Variants in KLF8 observed in about 807,000 individuals in gnomAD.
KLF8 encodes the protein Krueppel-like factor 8.
KLF8 carries 10 observed loss-of-function variants against 18.2 expected under a neutral mutation model. That is an observed-to-expected ratio of 0.55 (90% CI 0.34 to 0.93). KLF8 has a LOEUF of 0.93. Among genes scored for constraint, KLF8 ranks in the 40% least tolerant of loss-of-function variants. The pLI is 0.02. For missense variants in KLF8, 264 were observed against 277.9 expected (o/e 0.95, Z 0.36); for synonymous variants, 109 against 97.3 (o/e 1.12, Z -0.71).
the KLF8 span, among the ~76,000 whole-genome samples, chrX:56,164,228 A>G: frequency 2.0e-5 from 2 of 99,563 alleles, no homozygotes; most frequent in Non-Finnish European, 4.0e-5. Flanking sequence ...AGCACTTAAC[A>G]TAAGACAAGT....
chrX:56,162,762 C>G, the KLF8 span, among the ~76,000 whole-genome samples: 1 of 111,199 alleles, frequency 9.0e-6, no homozygotes, highest in Non-Finnish European at 1.9e-5. Context: ...GCTCCGTATG[C>G]TGCATCCACT....
chrX:56,200,688 G>T, the KLF8 span, among the ~76,000 whole-genome samples: 1 of 110,746 alleles, frequency 9.0e-6, no homozygotes, highest in South Asian at 3.7e-4. Flanking sequence ...TATGGAATGG[G>T]AAAAAATATT....
chrX:55,947,950 G>T, the KLF8 span, among the ~76,000 whole-genome samples: 5 of 112,089 alleles, frequency 4.5e-5, no homozygotes, highest in South Asian at 1.9e-3. Context: ...TAGATGCAGA[G>T]AAATTATTTG....
chrX:55,961,566 G>A, the KLF8 span: 3 of 525,403 alleles, frequency 5.7e-6, no homozygotes, highest in East Asian at 1.0e-4. Context: ...GTGAAGTGTT[G>A]AAAAATGTCC....
At chrX:55,976,496 A>G in the KLF8 span, among the ~76,000 whole-genome samples, 1 of 110,826 alleles carries the variant, frequency 9.0e-6, no homozygotes, top group Non-Finnish European at 1.9e-5. Flanking sequence ...TTTACTTAGC[A>G]TAATGACCTC....
At chrX:56,242,819 C>T in intron 1 of KLF8, 1 of 273,077 alleles carries the variant, frequency 3.7e-6, no homozygotes. Flanking sequence ...CCCCCACTTC[C>T]TTTTCTCTCA....
At chrX:56,003,429 A>C in the KLF8 span, among the ~76,000 whole-genome samples, 1 of 108,713 alleles carries the variant, frequency 9.2e-6, no homozygotes, top group Non-Finnish European at 1.9e-5. Flanking sequence ...TAAATAAATA[A>C]ATAAATAAAT....
the KLF8 span, among the ~76,000 whole-genome samples, chrX:56,184,661 C>T: frequency 9.0e-6 from 1 of 111,710 alleles, no homozygotes; most frequent in Non-Finnish European, 1.9e-5. Context: ...CGGCCGGGTA[C>T]TCCTCTGAGA....
At chrX:56,043,244 ATT>A in the KLF8 span, among the ~76,000 whole-genome samples, 1 of 105,730 alleles carries the variant, frequency 9.5e-6, no homozygotes, top group Non-Finnish European at 2.0e-5. Context: ...TGCCCTTAAA[ATT>A]TTTTTTTTTC....
the KLF8 span, among the ~76,000 whole-genome samples, chrX:55,980,075 G>T: frequency 1.8e-5 from 2 of 111,902 alleles, no homozygotes; most frequent in Non-Finnish European, 3.8e-5. Flanking sequence ...GTGACTGCAG[G>T]CCAGAAAGGA....
chrX:56,274,696 A>G (rs2067099092), intron 5 of KLF8, among the ~76,000 whole-genome samples: 1 of 111,903 alleles, frequency 8.9e-6, no homozygotes, highest in South Asian at 3.7e-4. Context: ...GGTGAGATAT[A>G]GGGTTCTAGT....
the KLF8 span, among the ~76,000 whole-genome samples, chrX:56,162,206 A>C: frequency 2.7e-5 from 3 of 111,862 alleles, no homozygotes; most frequent in Admixed American, 2.8e-4. Flanking sequence ...CAGTTAGGAT[A>C]CTTGGGGGTC....
At chrX:56,032,162 G>T in the KLF8 span, among the ~76,000 whole-genome samples, 15 of 110,957 alleles carry the variant, frequency 1.4e-4, no homozygotes, top group Non-Finnish European at 2.6e-4. Flanking sequence ...TCTTAAAACA[G>T]GTACCGAGTA....
the KLF8 span, among the ~76,000 whole-genome samples, chrX:55,955,801 GATC>G: frequency 9.0e-6 from 1 of 111,669 alleles, no homozygotes; most frequent in Non-Finnish European, 1.9e-5. Flanking sequence ...CCTGGTAGGT[GATC>G]AAGAAATACT....
intron 1 of KLF8, among the ~76,000 whole-genome samples, chrX:56,249,479 C>T (rs1023977200): frequency 8.9e-6 from 1 of 111,925 alleles, no homozygotes. Flanking sequence ...AAGGAGGAAG[C>T]TTTAAGCTAA....
the KLF8 span, chrX:56,014,817 G>GTTTTTTTTTTTTTTTTTTTTTT: frequency 3.4e-5 from 2 of 59,370 alleles, no homozygotes; most frequent in Non-Finnish European, 5.7e-5. Context: ...ACAAGATCAT[G>GTTTTTTTTTTTTTTTTTTTTTT]TTTTTTTTTT....
the KLF8 span, among the ~76,000 whole-genome samples, chrX:56,205,468 A>T: frequency 8.9e-6 from 1 of 111,827 alleles, no homozygotes; most frequent in Non-Finnish European, 1.9e-5. Context: ...TATCATATTG[A>T]TTGATTTGCA....
the KLF8 span, among the ~76,000 whole-genome samples, chrX:55,983,542 A>G: frequency 1.8e-5 from 2 of 112,114 alleles, no homozygotes; most frequent in African/African-American, 6.5e-5. Context: ...ACTCCATGTC[A>G]TACTTACAAT....
At chrX:56,102,641 G>A in the KLF8 span, among the ~76,000 whole-genome samples, 1 of 110,991 alleles carries the variant, frequency 9.0e-6, no homozygotes. Flanking sequence ...CGTTCAGCAG[G>A]ATTTTAAAAT....
Sources: gnomAD v4.1 joint callset for allele counts (sites outside exome capture counted in the v4.1 genomes callset) on GRCh38, gnomAD v4.1.1 for gene constraint, MANE v1.5 for transcripts, NCBI Gene and HGNC (gene_info 2026-07-23, HGNC 2026-07-21) for gene names.